The following BICD2 variants were observed in gnomAD, a reference collection of about 807,000 sequenced individuals.
BICD2 encodes the protein BICD cargo adaptor 2, also known as protein bicaudal D homolog 2.
BICD2 carries 25 observed loss-of-function variants against 72.9 expected under a neutral mutation model. The ratio of observed to expected loss-of-function variants is 0.34; its 90% CI spans 0.25 to 0.48. BICD2 has a LOEUF of 0.48. BICD2 is among the 20% of genes least tolerant of loss of function. The probability of loss-of-function intolerance (pLI) is 0.99; values close to 1 mark genes in which losing one functional copy is unlikely to be tolerated. For synonymous variants in BICD2, 501 were observed against 516.1 expected (o/e 0.97, Z 0.40); for missense variants, 894 against 1,175.2 (o/e 0.76, Z 3.50).
chr9:92,737,775 C>T (rs1853818478), intron 1 of BICD2, among the ~76,000 whole-genome samples: 1 of 152,198 alleles, frequency 6.6e-6, no homozygotes, highest in Non-Finnish European at 1.5e-5. Flanking sequence ...TACATATAGG[C>T]TGGAAGGGCT....
At chr9:92,758,422 C>T (rs183019421) in intron 1 of BICD2, among the ~76,000 whole-genome samples, 261 of 144,850 alleles carry the variant, frequency 1.8e-3, no homozygotes, top group African/African-American at 3.3e-3. Flanking sequence ...TGTGGTGGCG[C>T]GCACCTGTAA....
At chr9:92,718,482 G>A (rs1344756320) in intron 5 of BICD2, 57 bp downstream of exon 5, 2 of 1,547,296 alleles carry the variant, frequency 1.3e-6, no homozygotes, top group Non-Finnish European at 1.7e-6. Flanking sequence ...AGGCCAAGGG[G>A]GAAACACCCT....
Position 92,713,599 on chromosome 9 carries a change from G to A in BICD2, c.*1555C>T, listed in dbSNP as rs1235113384. On this transcript the variant is annotated 3_prime_UTR_variant, in exon 7 of 7. Coordinates refer to ENST00000356884, the MANE Select transcript of BICD2 (RefSeq NM_001003800.2). Reference sequence around the variant, plus strand: ...AGAGAAGACCTGCATGTGTTAGCAGGGGTCCCAGTGGCTTGGGTGTCTGCA... The same window carrying A: ...AGAGAAGACCTGCATGTGTTAGCAGAGGTCCCAGTGGCTTGGGTGTCTGCA... 6.5e-7 allele frequency: 1 copy of A among 1,528,236 alleles called. No homozygotes were observed. The highest frequency in any genetic ancestry group is 8.8e-7 in the Non-Finnish European group (1 of 1,132,362). 94.7% of individuals were successfully genotyped at this position (1,528,236 alleles called of 1,614,324 possible).
Position 92,713,623 on chromosome 9 carries a change from C to T in BICD2, c.*1531G>A. The stretch of plus-strand genomic sequence containing the variant: ...GGGGTCCCAGTGGCTTGGGTGTCTG[C>T]AAAGTCCCTTAGGAGTATGGAGAGA... On this transcript the variant is annotated 3_prime_UTR_variant, in exon 7 of 7. Transcript: ENST00000356884. 1 of 1,509,674 alleles carries T rather than the reference C, an allele frequency of 6.6e-7. No homozygotes were observed. The allele number at this position is 1,509,674 out of a possible 1,614,324, so 93.5% of individuals were successfully genotyped here.
intron 1 of BICD2, among the ~76,000 whole-genome samples, chr9:92,753,409 A>G (rs1453440838): frequency 6.6e-6 from 1 of 152,232 alleles, no homozygotes; most frequent in East Asian, 1.9e-4. Context: ...CAATGTTATA[A>G]TAAGGAGGCA....
intron 6 of BICD2, among the ~76,000 whole-genome samples, chr9:92,716,134 C>T (rs989302045): frequency 6.6e-6 from 1 of 152,030 alleles, no homozygotes; most frequent in Non-Finnish European, 1.5e-5. Flanking sequence ...GCTCCCAGGG[C>T]GGTGAGGCTG....
At chr9:92,729,947 C>T (rs964755956) in intron 1 of BICD2, among the ~76,000 whole-genome samples, 1 of 152,176 alleles carries the variant, frequency 6.6e-6, no homozygotes, top group African/African-American at 2.4e-5. Flanking sequence ...CTCACCTAGC[C>T]CAGGACGCCC....
Position 92,729,111 on chromosome 9 carries a change from C to G in BICD2, c.366G>C (p.Gln122His). ...CATTGCGCAACTGCTTCAGCTCCGT[C>G]TGCAGCTCTAGCACCTTCCGCACGT... ...QYYVRKVLEL[Q>H]TELKQLRNVL... The change falls in exon 2 of 7, where the codon CAG (glutamine) becomes CAC (histidine). Residue 122 changes from glutamine to histidine, a missense_variant. Coordinates refer to ENST00000356884, the MANE Select transcript of BICD2 (RefSeq NM_001003800.2). 1 of 1,614,264 alleles carries G rather than the reference C, an allele frequency of 6.2e-7. No homozygotes were observed.
At position 92,720,005 on chromosome 9, in the gene BICD2, C is replaced by A. The variant is rs1202625201; in HGVS notation, c.1062+295G>T. Among the ~76,000 whole-genome samples the A allele has an allele frequency of 6.6e-6, 1 of 152,162 alleles. No individual in the cohort carries two copies. The highest frequency in any genetic ancestry group is 2.4e-5 in the African/African-American group (1 of 41,440). ...AGCCCAAGCATGACCATGGTGGGCCCCTGACACCTGGCCTGCGTGCAGGGA... is the reference window on the plus strand; with the variant it reads ...AGCCCAAGCATGACCATGGTGGGCCACTGACACCTGGCCTGCGTGCAGGGA... On this transcript the variant is annotated intron_variant, in intron 4 of 6. Transcript: ENST00000356884. The surrounding 1 kb of genome is among the most constrained non-coding windows in gnomAD (Gnocchi z 5.4).
chr9:92,764,805 G>GCCA lies in BICD2; in HGVS notation c.-62_-61insTGG, dbSNP rs1407531154. 1.5e-5 allele frequency: 18 copies of GCCA among 1,196,662 alleles called. No individual in the cohort carries two copies. The East Asian group carries it at 6.4e-4, about 42-fold the overall frequency. 74.1% of individuals were successfully genotyped at this position (1,196,662 alleles called of 1,614,324 possible). ...CTCGCAGGCCGGGCCCTCCTCAGCCGCCGCCGCTGCCGCCGCCGCCGCCGC... is the reference window on the plus strand; with the variant it reads ...CTCGCAGGCCGGGCCCTCCTCAGCCGCCACCGCCGCTGCCGCCGCCGCCGCCGC... On this transcript the variant is annotated 5_prime_UTR_variant, in exon 1 of 7. Transcript: ENST00000356884. This position sits in a 1 kb window ranked among gnomAD's most constrained non-coding sequence, Gnocchi z 5.5.
rs1184529670 is a variant in BICD2, at chr9:92,713,082, A to T, written c.*2072T>A. The T allele has an allele frequency of 8.5e-6, 2 of 235,944 alleles. No homozygotes were observed. The highest frequency in any genetic ancestry group is 4.5e-5 in the African/African-American group (2 of 44,078). 14.6% of individuals were successfully genotyped at this position (235,944 alleles called of 1,614,324 possible). On this transcript the variant is annotated 3_prime_UTR_variant, in exon 7 of 7. Transcript: ENST00000356884. ...ACCGTCTCTACGCGAGGAATTAAGG[A>T]AGCAAATATAATATCAAAATATCAA...
rs34165468 is a variant in BICD2, at chr9:92,743,355, C to CTTT, written c.241-14122_241-14120dup. Among the ~76,000 whole-genome samples the CTTT allele has an allele frequency of 1.6e-3, 179 of 112,218 alleles. 3 individuals are homozygous for CTTT. The highest frequency in any genetic ancestry group is 2.4e-3 in the Non-Finnish European group (134 of 55,840). 73.6% of individuals were successfully genotyped at this position (112,218 alleles called of 152,430 possible). On this transcript the variant is annotated intron_variant, in intron 1 of 6. Transcript: ENST00000356884. ...CTACAGGCACGTGCCACCATGCCAG[C>CTTT]TTTTTTTTTTTTTTTTTTTTTTAAG...
chr9:92,749,911 T>C (rs1854113250), intron 1 of BICD2, among the ~76,000 whole-genome samples: 1 of 152,330 alleles, frequency 6.6e-6, no homozygotes, highest in Admixed American at 6.5e-5. Context: ...ACGGCATCTG[T>C]TCCAAACGAG....
Position 92,714,405 on chromosome 9 carries a change from A to T in BICD2, c.*749T>A. The T allele has an allele frequency of 1.0e-6, 1 of 985,476 alleles. No individual in the cohort carries two copies. Among genetic ancestry groups the T allele is most frequent in the Non-Finnish European group, 1.2e-6 (1 of 829,956 alleles). 61.0% of individuals were successfully genotyped at this position (985,476 alleles called of 1,614,324 possible). A position where few individuals can be genotyped will look rare whatever the true frequency, so the allele number is the denominator to read the frequency against. Reference sequence around the variant, plus strand: ...GAAAGCTTTTCTCATGAAAAATGAAAACCTGGGGCCTTGGGCCCTGCCAAT... The same window carrying T: ...GAAAGCTTTTCTCATGAAAAATGAATACCTGGGGCCTTGGGCCCTGCCAAT... On this transcript the variant is annotated 3_prime_UTR_variant, in exon 7 of 7. Coordinates refer to ENST00000356884, the MANE Select transcript of BICD2 (RefSeq NM_001003800.2).
rs773315656 is a variant in BICD2 at position 92,718,783 on chromosome 9, C to T, written c.1862G>A (p.Arg621His). Residue 621 changes from arginine to histidine, a missense_variant, in exon 5 of 7, where the codon CGC (arginine) becomes CAC (histidine). Physicochemically the swap from Arg to His is conservative, Grantham distance 29. Coordinates refer to ENST00000356884, the MANE Select transcript of BICD2 (RefSeq NM_001003800.2). Reference protein sequence around the residue: ...SSLPSPLSDPRREPMNIYNLI... With the variant: ...SSLPSPLSDPHREPMNIYNLI... Reference sequence around the variant, plus strand: ...GTTGTAGATGTTCATGGGCTCCCGGCGTGGGTCACTCAGGGGTGATGGCAG... The same window carrying T: ...GTTGTAGATGTTCATGGGCTCCCGGTGTGGGTCACTCAGGGGTGATGGCAG... The T allele has an allele frequency of 2.8e-5, 45 of 1,613,736 alleles. No homozygotes were observed. Among genetic ancestry groups the T allele is most frequent in the South Asian group, 7.7e-5 (7 of 91,084 alleles).
In BICD2 at chr9:92,713,504, T is replaced by A; in HGVS notation, c.*1650A>T. 6.4e-7 allele frequency: 1 copy of A among 1,574,268 alleles called. No homozygotes were observed. Among genetic ancestry groups the A allele is most frequent in the Non-Finnish European group, 8.6e-7 (1 of 1,158,368 alleles). Reference sequence around the variant, plus strand: ...GAGAGCGTTAGAAAGCGGTCATCTGTCGCTTCCTGTTTATCTGACAATTGA... The same window carrying A: ...GAGAGCGTTAGAAAGCGGTCATCTGACGCTTCCTGTTTATCTGACAATTGA... On this transcript the variant is annotated 3_prime_UTR_variant, in exon 7 of 7. Coordinates refer to ENST00000356884, the MANE Select transcript of BICD2 (RefSeq NM_001003800.2).
chr9:92,715,493 C>T (rs377400075), intron 6 of BICD2, 30 bp from the exon 7 acceptor site: 16 of 1,552,288 alleles, frequency 1.0e-5, no homozygotes, highest in South Asian at 4.9e-5. Flanking sequence ...GACTGAGGGG[C>T]GGGCAGAGCC....
At chr9:92,722,510 C>T (rs1853483793) in intron 3 of BICD2, 146 bp downstream of exon 3, 3 of 1,019,336 alleles carry the variant, frequency 2.9e-6, no homozygotes, top group Non-Finnish European at 4.2e-6. Flanking sequence ...TATACCCCTG[C>T]CTCCACAGTG....
At position 92,713,606 on chromosome 9, in the gene BICD2, A is replaced by G; in HGVS notation, c.*1548T>C. On this transcript the variant is annotated 3_prime_UTR_variant, in exon 7 of 7. Coordinates refer to ENST00000356884, the MANE Select transcript of BICD2 (RefSeq NM_001003800.2). ...ACCTGCATGTGTTAGCAGGGGTCCCAGTGGCTTGGGTGTCTGCAAAGTCCC... is the reference window on the plus strand; with the variant it reads ...ACCTGCATGTGTTAGCAGGGGTCCCGGTGGCTTGGGTGTCTGCAAAGTCCC... 6.6e-7 allele frequency: 1 copy of G among 1,524,922 alleles called. No individual in the cohort carries two copies. The highest frequency in any genetic ancestry group is 8.8e-7 in the Non-Finnish European group (1 of 1,130,860). The allele number at this position is 1,524,922 out of a possible 1,614,324, so 94.5% of individuals were successfully genotyped here.
Sources: gnomAD v4.1 joint callset for allele counts (sites outside exome capture counted in the v4.1 genomes callset) on GRCh38, gnomAD v4.1.1 for gene constraint, Gnocchi (gnomAD v3.1) non-coding constraint, MANE v1.5 for transcripts, NCBI Gene and HGNC (gene_info 2026-07-23, HGNC 2026-07-21) for gene names.